PLCB4: variants seen among roughly 807,000 people sequenced by gnomAD.
PLCB4 encodes the protein phospholipase C beta 4.
Under a neutral mutation model 178.8 loss-of-function variants are expected in PLCB4, and 77 were observed. The ratio of observed to expected loss-of-function variants is 0.43; its 90% confidence interval spans 0.36 to 0.52. PLCB4 has a LOEUF of 0.52. Among genes scored for constraint, PLCB4 ranks in the 20% least tolerant of loss-of-function variants. The pLI, the probability that PLCB4 is intolerant of heterozygous loss-of-function variation, is 0.00. For missense variants in PLCB4, 1,024 were observed against 1,453.4 expected (o/e 0.70, Z 4.80); for synonymous variants, 496 against 490.8 (o/e 1.01, Z -0.14).
intron 4 of PLCB4, among the ~76,000 whole-genome samples, chr20:9,313,873 C>T (rs1223796439): frequency 6.6e-6 from 1 of 152,186 alleles, no homozygotes; most frequent in Non-Finnish European, 1.5e-5. Context: ...CTTTCTTCCA[C>T]TTGCATATTG....
At chr20:9,281,854 T>C (rs2094497145) in intron 3 of PLCB4, among the ~76,000 whole-genome samples, 1 of 151,984 alleles carries the variant, frequency 6.6e-6, no homozygotes, top group African/African-American at 2.4e-5. Flanking sequence ...CATGACTACT[T>C]TATTTATCTA....
chr20:9,416,187 C>G (rs1373970042), intron 25 of PLCB4, among the ~76,000 whole-genome samples: 2 of 152,128 alleles, frequency 1.3e-5, no homozygotes, highest in East Asian at 1.9e-4. Context: ...TCAATTCACT[C>G]CTTCAGAGAT....
chr20:9,376,604 C>G lies in PLCB4; in HGVS notation c.745-3450C>G, dbSNP rs569295003. Among the ~76,000 whole-genome samples the G allele has an allele frequency of 1.1e-4, 16 of 152,254 alleles. No homozygotes were observed. In the East Asian group the frequency reaches 2.1e-3, roughly 20 times the overall value. ...ACGTGGTGAGACACTACTACTGGCT[C>G]AATTGCTTGTATGTGGCAAGACTAG... On this transcript the variant is annotated intron_variant, in intron 12 of 39. Coordinates refer to ENST00000378473, the MANE Select transcript of PLCB4 (RefSeq NM_001377142.1).
chr20:9,136,457 G>T (rs2092385406), intron 2 of PLCB4, among the ~76,000 whole-genome samples: 1 of 152,094 alleles, frequency 6.6e-6, no homozygotes, highest in South Asian at 2.1e-4. Context: ...GGCAGGCAAG[G>T]AGCTGGGCTA....
intron 4 of PLCB4, among the ~76,000 whole-genome samples, chr20:9,327,303 C>T (rs933662086): frequency 1.5e-4 from 22 of 151,716 alleles, no homozygotes; most frequent in Admixed American, 1.1e-3. Flanking sequence ...TTTAATTAGC[C>T]AGCCATGATA....
At chr20:9,404,466 G>A (rs6108288) in intron 20 of PLCB4, among the ~76,000 whole-genome samples, 24 of 152,126 alleles carry the variant, frequency 1.6e-4, no homozygotes, top group Admixed American at 7.2e-4. Context: ...TTAGCCAGGC[G>A]CCATGGTACG....
chr20:9,220,139 T>C (rs2093779999), intron 3 of PLCB4, among the ~76,000 whole-genome samples: 1 of 152,184 alleles, frequency 6.6e-6, no homozygotes, highest in African/African-American at 2.4e-5. Context: ...GACCTTTGCA[T>C]TGGGAGCTTT....
chr20:9,355,278 T>A (rs894393640), intron 7 of PLCB4, among the ~76,000 whole-genome samples: 3 of 149,912 alleles, frequency 2.0e-5, no homozygotes, highest in African/African-American at 7.6e-5. Context: ...AAAATTTTTT[T>A]ATTTTTTATA....
chr20:9,125,852 G>A (rs6118499), intron 2 of PLCB4, among the ~76,000 whole-genome samples: 71,148 of 151,974 alleles, frequency 0.47, 17,332 homozygotes, highest in Middle Eastern at 0.57. Flanking sequence ...CAGGCACAAT[G>A]TGAGGCAATA....
Position 9,229,805 on chromosome 20 carries a change from A to G in PLCB4, c.-16+12353A>G, listed in dbSNP as rs547114551. ...CTGCACAAGTCATCCCATCACCTAG[A>G]TATTAAGCCCAGCATCCACGAGCTA... On this transcript the variant is annotated intron_variant, in intron 3 of 39. Transcript: ENST00000378473. 5.8e-4 allele frequency among the ~76,000 whole-genome samples: 88 copies of G among 152,128 alleles called. 2 individuals carry two copies. Among genetic ancestry groups the G allele is most frequent in the African/African-American group, 2.0e-3 (85 of 41,494 alleles).
chr20:9,111,440 A>G (rs929106067), intron 2 of PLCB4, among the ~76,000 whole-genome samples: 3 of 152,152 alleles, frequency 2.0e-5, no homozygotes, highest in Admixed American at 6.5e-5. Context: ...AAAATATTCC[A>G]TTTATGAAAG....
At chr20:9,422,253 C>T (rs2040694339) in intron 27 of PLCB4, among the ~76,000 whole-genome samples, 1 of 152,188 alleles carries the variant, frequency 6.6e-6, no homozygotes, top group African/African-American at 2.4e-5. Context: ...CTTTCCTTAA[C>T]AAAATAGGGA....
intron 4 of PLCB4, among the ~76,000 whole-genome samples, chr20:9,320,069 G>A (rs781133048): frequency 6.6e-6 from 1 of 152,152 alleles, no homozygotes; most frequent in Non-Finnish European, 1.5e-5. Context: ...TAAAGTGAAA[G>A]CAAGTTTATT....
intron 2 of PLCB4, among the ~76,000 whole-genome samples, chr20:9,158,618 A>G (rs2092831511): frequency 6.6e-6 from 1 of 151,714 alleles, no homozygotes; most frequent in African/African-American, 2.4e-5. Context: ...TATTTAAAAG[A>G]GAAACCTTAC....
intron 36 of PLCB4, among the ~76,000 whole-genome samples, chr20:9,472,198 A>G (rs1456092816): frequency 1.3e-5 from 2 of 152,334 alleles, no homozygotes; most frequent in East Asian, 3.9e-4. Context: ...TAGAAAACAC[A>G]GGAAGCGATG....
intron 3 of PLCB4, among the ~76,000 whole-genome samples, chr20:9,248,530 T>C (rs1020529230): frequency 6.6e-6 from 1 of 152,212 alleles, no homozygotes; most frequent in Non-Finnish European, 1.5e-5. Context: ...TGGCATCGCT[T>C]AAACATGTTA....
chr20:9,118,313 A>AC (rs1175226780), intron 2 of PLCB4, among the ~76,000 whole-genome samples: 2 of 148,632 alleles, frequency 1.3e-5, no homozygotes, highest in Admixed American at 6.8e-5. Context: ...ATAAAAAAAA[A>AC]ACAACAAAGT....
chr20:9,459,129 A>C (rs2043231957), intron 34 of PLCB4, among the ~76,000 whole-genome samples: 1 of 152,234 alleles, frequency 6.6e-6, no homozygotes, highest in Non-Finnish European at 1.5e-5. Flanking sequence ...GGATCACCTG[A>C]GATCGGGAGT....
intron 4 of PLCB4, among the ~76,000 whole-genome samples, chr20:9,334,568 T>C (rs2032176835): frequency 6.6e-6 from 1 of 152,092 alleles, no homozygotes; most frequent in Non-Finnish European, 1.5e-5. Flanking sequence ...CCAAGTTTGG[T>C]GATAAAGTAT....
Sources: allele counts gnomAD v4.1 joint callset (sites outside exome capture counted in the v4.1 genomes callset), GRCh38; gene constraint gnomAD v4.1.1; transcripts MANE v1.5; gene names NCBI Gene and HGNC (gene_info 2026-07-23, HGNC 2026-07-21).